Variants in FHL2 observed in about 807,000 individuals in gnomAD.
The protein encoded by FHL2 is four and a half LIM domains 2, also known as four and a half LIM domains protein 2.
Under a neutral mutation model 32.7 loss-of-function variants are expected in FHL2, and 20 were observed. That is an observed-to-expected ratio of 0.61 (90% confidence interval 0.43 to 0.89). FHL2 has a LOEUF of 0.89. Among genes scored for constraint, FHL2 ranks in the 40% least tolerant of loss-of-function variants. The pLI is 0.00. For missense variants in FHL2, 311 were observed against 358.6 expected (o/e 0.87, Z 1.07); for synonymous variants, 123 against 128.1 (o/e 0.96, Z 0.27).
intron 1 of FHL2, among the ~76,000 whole-genome samples, chr2:105,428,132 C>T (rs1684318134): frequency 6.6e-6 from 1 of 152,184 alleles, no homozygotes; most frequent in South Asian, 2.1e-4. Context: ...CAACTAGAAG[C>T]CTGCTGAGGG....
upstream of FHL2, among the ~76,000 whole-genome samples, chr2:105,401,155 T>C (rs72836923): frequency 0.2 from 29,666 of 150,740 alleles, 3,032 homozygotes; most frequent in South Asian, 0.26. Flanking sequence ...TTGGAAAATA[T>C]GACACTGACA....
In FHL2 at chr2:105,419,730, C is replaced by T. The variant is rs190750798; in HGVS notation, c.-25+18669G>A. Among the ~76,000 whole-genome samples, 722 of 152,318 alleles carry T rather than the reference C, an allele frequency of 4.7e-3. 3 individuals are homozygous for T. The highest frequency in any genetic ancestry group is 7.3e-3 in the Non-Finnish European group (498 of 68,032). ...TATATAAACTCCTGGGTCTAACAGC[C>T]TCTTTGGTTCTTCACTTCTTTTCTA... On this transcript the variant is annotated intron_variant, in intron 1 of 5. Coordinates refer to the FHL2 transcript ENST00000393352.
chr2:105,437,795 C>T (rs1684657037), intron 1 of FHL2, among the ~76,000 whole-genome samples: 2 of 152,272 alleles, frequency 1.3e-5, no homozygotes, highest in East Asian at 1.9e-4. Flanking sequence ...TTGCCCTGCT[C>T]TGGAAATTGT....
At chr2:105,377,142 C>G (rs2104549030) in intron 3 of FHL2, among the ~76,000 whole-genome samples, 1 of 152,306 alleles carries the variant, frequency 6.6e-6, no homozygotes, top group East Asian at 1.9e-4. Context: ...CTCCCACATG[C>G]TTAGCATTCC....
intron 3 of FHL2, among the ~76,000 whole-genome samples, chr2:105,377,260 A>G (rs1389909582): frequency 6.6e-6 from 1 of 152,224 alleles, no homozygotes; most frequent in Non-Finnish European, 1.5e-5. Flanking sequence ...TGCACTTACT[A>G]CTGAACAGTA....
At chr2:105,426,544 G>A (rs944950258) in intron 1 of FHL2, among the ~76,000 whole-genome samples, 1 of 152,118 alleles carries the variant, frequency 6.6e-6, no homozygotes, top group African/African-American at 2.4e-5. Flanking sequence ...TCCCTTCCCT[G>A]AGCCAGCAGT....
At chr2:105,409,953 A>G (rs1007343983) in intron 1 of FHL2, among the ~76,000 whole-genome samples, 1 of 152,236 alleles carries the variant, frequency 6.6e-6, no homozygotes, top group Non-Finnish European at 1.5e-5. Flanking sequence ...GAATGAAGGG[A>G]CACTGCCAAG....
intron 1 of FHL2, among the ~76,000 whole-genome samples, chr2:105,430,393 G>A (rs753268937): frequency 1.6e-4 from 24 of 152,180 alleles, no homozygotes; most frequent in African/African-American, 5.1e-4. Context: ...TAGGCCAGGC[G>A]AGGTGGCTCA....
At chr2:105,366,661 A>G (rs1680655132) in intron 5 of FHL2, among the ~76,000 whole-genome samples, 1 of 152,238 alleles carries the variant, frequency 6.6e-6, no homozygotes, top group Non-Finnish European at 1.5e-5. Context: ...ATGGCTTCCT[A>G]CAGATATGCA....
chr2:105,423,977 A>T (rs1684182582), intron 1 of FHL2, among the ~76,000 whole-genome samples: 1 of 152,228 alleles, frequency 6.6e-6, no homozygotes, highest in African/African-American at 2.4e-5. Context: ...CAAAGACTTC[A>T]TGACTAAAAC....
At chr2:105,373,830 A>G in intron 3 of FHL2, 97 bp from the exon 4 acceptor site, 1 of 1,312,440 alleles carries the variant, frequency 7.6e-7, no homozygotes, top group South Asian at 1.3e-5. Context: ...GCAAACAAGG[A>G]AAGAAGTTGG....
intron 1 of FHL2, among the ~76,000 whole-genome samples, chr2:105,427,733 C>T (rs901838561): frequency 6.6e-6 from 1 of 152,144 alleles, no homozygotes; most frequent in African/African-American, 2.4e-5. Flanking sequence ...TCCCTCTAAA[C>T]CATTGTGCTT....
At chr2:105,372,719 G>T (rs530926252) in intron 4 of FHL2, among the ~76,000 whole-genome samples, 5 of 151,990 alleles carry the variant, frequency 3.3e-5, no homozygotes, top group Non-Finnish European at 5.9e-5. Flanking sequence ...AACCTGGGAG[G>T]CAGAGGTTGC....
intron 1 of FHL2, among the ~76,000 whole-genome samples, chr2:105,425,744 C>CAT (rs200583693): frequency 0.02 from 3,091 of 152,164 alleles, 109 homozygotes; most frequent in African/African-American, 0.068. Flanking sequence ...CACGTCCAGT[C>CAT]ATAGTACCTT....
intron 1 of FHL2, among the ~76,000 whole-genome samples, chr2:105,410,222 A>G (rs1683751997): frequency 6.6e-6 from 1 of 152,258 alleles, no homozygotes; most frequent in African/African-American, 2.4e-5. Flanking sequence ...GAGGCCGGAG[A>G]GGCAGCTTGC....
intron 1 of FHL2, among the ~76,000 whole-genome samples, chr2:105,416,923 A>G (rs1683952002): frequency 6.6e-6 from 1 of 152,238 alleles, no homozygotes; most frequent in Non-Finnish European, 1.5e-5. Context: ...AAATCTAAGT[A>G]TGCTTTGTCT....
chr2:105,421,586 A>T (rs59417559), intron 1 of FHL2, among the ~76,000 whole-genome samples: 19,610 of 143,450 alleles, frequency 0.14, 1,611 homozygotes, highest in African/African-American at 0.28. Flanking sequence ...AATGCTCCAG[A>T]TGAAAGAAAT....
upstream of FHL2, chr2:105,399,163 C>T (rs1683359859): frequency 2.2e-6 from 3 of 1,383,214 alleles, no homozygotes; most frequent in Non-Finnish European, 2.8e-6. Flanking sequence ...GGGGCGGGCG[C>T]CCCCAGGCCT....
At chr2:105,425,757 C>T (rs1286696351) in intron 1 of FHL2, among the ~76,000 whole-genome samples, 1 of 152,086 alleles carries the variant, frequency 6.6e-6, no homozygotes, top group Admixed American at 6.5e-5. Context: ...AGTACCTTCC[C>T]TTGAACCTAA....
Sources: gnomAD v4.1 joint callset for allele counts (sites outside exome capture counted in the v4.1 genomes callset) on GRCh38, gnomAD v4.1.1 for gene constraint, MANE v1.5 for transcripts, NCBI Gene and HGNC (gene_info 2026-07-23, HGNC 2026-07-21) for gene names.